Variants in CDKL2 observed in about 807,000 individuals in gnomAD.
The protein encoded by CDKL2 is cyclin-dependent kinase-like 2.
In CDKL2, 64 loss-of-function variants were observed where a neutral mutation model predicts 63.9. That is an observed-to-expected ratio of 1.00 (90% CI 0.82 to 1.23). CDKL2 has a LOEUF of 1.23. Among genes scored for constraint, CDKL2 ranks in the 50% most tolerant of loss-of-function variants. CDKL2 has a pLI of 0.00. For synonymous variants in CDKL2, 211 were observed against 229.2 expected (o/e 0.92, Z 0.72); for missense variants, 656 against 668.0 (o/e 0.98, Z 0.20).
intron 7 of CDKL2, among the ~76,000 whole-genome samples, chr4:75,599,601 A>G (rs1245484054): frequency 6.7e-6 from 1 of 150,032 alleles, no homozygotes; most frequent in African/African-American, 2.4e-5. Context: ...TTGCTATGGT[A>G]TCAGAGTTTT....
intron 8 of CDKL2, among the ~76,000 whole-genome samples, chr4:75,597,745 ACT>A (rs1289097065): frequency 3.9e-5 from 6 of 152,234 alleles, no homozygotes; most frequent in Non-Finnish European, 5.9e-5. Flanking sequence ...AATATTTTTC[ACT>A]CATATCCTTT....
At chr4:75,587,606 G>T (rs1013104321) in intron 12 of CDKL2, among the ~76,000 whole-genome samples, 1 of 151,544 alleles carries the variant, frequency 6.6e-6, no homozygotes, top group Non-Finnish European at 1.5e-5. Flanking sequence ...GAATAGCACT[G>T]TATATTTTAA....
intron 2 of CDKL2, among the ~76,000 whole-genome samples, chr4:75,615,556 C>T (rs1299995629): frequency 6.6e-6 from 1 of 152,134 alleles, no homozygotes; most frequent in Non-Finnish European, 1.5e-5. Context: ...AATGAGCATT[C>T]AAGTAAAAAC....
chr4:75,617,893 G>T (rs1287788908), intron 2 of CDKL2, among the ~76,000 whole-genome samples: 1 of 152,084 alleles, frequency 6.6e-6, no homozygotes, highest in East Asian at 1.9e-4. Context: ...ACGAGGTCAG[G>T]AGTTCAAGAT....
chr4:75,615,258 G>T (rs1217587819), intron 2 of CDKL2, among the ~76,000 whole-genome samples: 2 of 152,238 alleles, frequency 1.3e-5, no homozygotes, highest in South Asian at 4.1e-4. Context: ...CAAAGTCATG[G>T]CCTCTCCCCA....
Position 75,624,198 on chromosome 4 carries a change from C to T in CDKL2, c.168+1623G>A, listed in dbSNP as rs114849627. Among the ~76,000 whole-genome samples the T allele has an allele frequency of 5.5e-3, 829 of 150,438 alleles. 10 individuals carry two copies. Among genetic ancestry groups the T allele is most frequent in the African/African-American group, 0.019 (787 of 40,960 alleles). On this transcript the variant is annotated intron_variant, in intron 2 of 13. Coordinates refer to ENST00000307465, the MANE Select transcript of CDKL2 (RefSeq NM_001330724.2). The stretch of plus-strand genomic sequence containing the variant: ...ATATGGAAAAGATTTACTATGGAAA[C>T]GCTAACCAAAATTAAGCTAATGCAT...
chr4:75,627,731 CTTTT>C (rs57328528), intron 1 of CDKL2, among the ~76,000 whole-genome samples: 4 of 86,004 alleles, frequency 4.7e-5, no homozygotes, highest in South Asian at 4.0e-4. Context: ...CTTTTTTTTT[CTTTT>C]TTTTTTTTTT....
At chr4:75,602,001 G>C (rs1729208420) in intron 6 of CDKL2, among the ~76,000 whole-genome samples, 1 of 152,146 alleles carries the variant, frequency 6.6e-6, no homozygotes, top group African/African-American at 2.4e-5. Context: ...TCAAATTTTA[G>C]AGTTGATTCT....
intron 10 of CDKL2, among the ~76,000 whole-genome samples, chr4:75,594,791 T>C (rs761404184): frequency 2.0e-5 from 3 of 152,208 alleles, no homozygotes; most frequent in Non-Finnish European, 4.4e-5. Flanking sequence ...GGAGTATGTC[T>C]GACTATGTTC....
Position 75,576,711 on chromosome 4 carries a change from T to C in CDKL2, c.*2491A>G, listed in dbSNP as rs1728039783. ...GGACTTAGAAAACAAATCGATCACA[T>C]TTTTCAGTCTAGTCTGATACATAGT... On this transcript the variant is annotated 3_prime_UTR_variant, in exon 14 of 14. Coordinates refer to ENST00000307465, the MANE Select transcript of CDKL2 (RefSeq NM_001330724.2). Among the ~76,000 whole-genome samples the C allele has an allele frequency of 6.6e-6, 1 of 152,188 alleles. No individual in the cohort carries two copies. Among genetic ancestry groups the C allele is most frequent in the Admixed American group, 6.5e-5 (1 of 15,268 alleles).
Position 75,619,332 on chromosome 4 carries a change from T to C in CDKL2, c.169-4883A>G, listed in dbSNP as rs62320988. On this transcript the variant is annotated intron_variant, in intron 2 of 13. Transcript: ENST00000307465. Reference sequence around the variant, plus strand: ...TAGGGACAAGAAGGAACTAAAAATGTAGAAGAGCCCCCAATAACCACCAGA... The same window carrying C: ...TAGGGACAAGAAGGAACTAAAAATGCAGAAGAGCCCCCAATAACCACCAGA... 8.2e-4 allele frequency among the ~76,000 whole-genome samples: 125 copies of C among 152,086 alleles called. 1 individual carries two copies. The highest frequency in any genetic ancestry group is 1.0e-3 in the Admixed American group (16 of 15,256).
chr4:75,607,822 T>A lies in CDKL2; in HGVS notation c.364-461A>T, dbSNP rs868663169. On this transcript the variant is annotated intron_variant, in intron 3 of 13. Coordinates refer to ENST00000307465, the MANE Select transcript of CDKL2 (RefSeq NM_001330724.2). Reference sequence around the variant, plus strand: ...ATAAGAGATTGTGGGGAAAAAAAAATTTTTTTTTGAGACGGAGTCTCGCTC... The same window carrying A: ...ATAAGAGATTGTGGGGAAAAAAAAAATTTTTTTTGAGACGGAGTCTCGCTC... Among the ~76,000 whole-genome samples, 10 of 151,452 alleles carry A rather than the reference T, an allele frequency of 6.6e-5. 1 individual carries two copies. The highest frequency in any genetic ancestry group is 4.2e-4 in the South Asian group (2 of 4,806).
At chr4:75,610,932 C>G (rs752508151) in intron 3 of CDKL2, among the ~76,000 whole-genome samples, 12 of 152,070 alleles carry the variant, frequency 7.9e-5, no homozygotes, top group Non-Finnish European at 1.3e-4. Context: ...GAAAACAAAA[C>G]CTTAAAATAT....
At position 75,577,017 on chromosome 4, in the gene CDKL2, G is replaced by A. The variant is rs944837476; in HGVS notation, c.*2185C>T. 2.0e-5 allele frequency among the ~76,000 whole-genome samples: 3 copies of A among 152,088 alleles called. No homozygotes were observed. Among genetic ancestry groups the A allele is most frequent in the African/African-American group, 7.2e-5 (3 of 41,416 alleles). On this transcript the variant is annotated 3_prime_UTR_variant, in exon 14 of 14. Coordinates refer to ENST00000307465, the MANE Select transcript of CDKL2 (RefSeq NM_001330724.2). ...CCAAAGTTTTCCAGAAGAATTAACA[G>A]ATTTAAAACTTATTTGTTAAATACC...
intron 10 of CDKL2, among the ~76,000 whole-genome samples, chr4:75,593,544 G>A (rs1728795865): frequency 6.6e-6 from 1 of 152,004 alleles, no homozygotes; most frequent in Non-Finnish European, 1.5e-5. Context: ...TTCCAAAGAA[G>A]AATAAATCAG....
chr4:75,624,273 C>T (rs1730299928), intron 2 of CDKL2, among the ~76,000 whole-genome samples: 1 of 152,016 alleles, frequency 6.6e-6, no homozygotes, highest in Admixed American at 6.6e-5. Flanking sequence ...AAATACTGGC[C>T]AGGTGTGGTG....
At chr4:75,607,721 G>A (rs1017966012) in intron 3 of CDKL2, among the ~76,000 whole-genome samples, 2 of 152,222 alleles carry the variant, frequency 1.3e-5, no homozygotes, top group Admixed American at 6.5e-5. Context: ...TACTAAGTAT[G>A]ACCTAGATAA....
At chr4:75,620,938 ATTTT>A (rs35252668) in intron 2 of CDKL2, among the ~76,000 whole-genome samples, 1 of 142,848 alleles carries the variant, frequency 7.0e-6, no homozygotes. Flanking sequence ...ATAGCTGAGC[ATTTT>A]TTTTTTTTTT....
At chr4:75,617,956 C>T (rs1435437510) in intron 2 of CDKL2, among the ~76,000 whole-genome samples, 1 of 151,932 alleles carries the variant, frequency 6.6e-6, no homozygotes, top group Non-Finnish European at 1.5e-5. Flanking sequence ...CAAAAATTAG[C>T]CAGGCGTGGT....
Sources: allele counts gnomAD v4.1 joint callset (sites outside exome capture counted in the v4.1 genomes callset), GRCh38; gene constraint gnomAD v4.1.1; transcripts MANE v1.5; gene names NCBI Gene and HGNC (gene_info 2026-07-23, HGNC 2026-07-21).